Variants in GABRB3 observed in about 807,000 individuals in gnomAD.
GABRB3 encodes the protein gamma-aminobutyric acid receptor subunit beta-3.
In GABRB3, 14 loss-of-function variants were observed where a neutral mutation model predicts 52.1. The observed-to-expected ratio is 0.27, with a 90% CI of 0.18 to 0.42. The LOEUF (loss-of-function observed/expected upper bound fraction) is 0.42, where lower values mean the gene tolerates loss of function less well. GABRB3 is among the 10% of genes least tolerant of loss of function. The probability of loss-of-function intolerance (pLI) is 1.00; values close to 1 mark genes in which losing one functional copy is unlikely to be tolerated. For missense variants in GABRB3, 307 were observed against 609.1 expected (o/e 0.50, Z 5.22); for synonymous variants, 260 against 232.3 (o/e 1.12, Z -1.08).
chr15:26,741,433 A>G (rs967609288), intron 3 of GABRB3, among the ~76,000 whole-genome samples: 39 of 152,228 alleles, frequency 2.6e-4, no homozygotes, highest in Non-Finnish European at 5.1e-4. Context: ...ACACATATAC[A>G]TGTAAGCAAC....
At chr15:26,599,231 A>T (rs577194008) in intron 4 of GABRB3, among the ~76,000 whole-genome samples, 5 of 152,328 alleles carry the variant, frequency 3.3e-5, no homozygotes, top group African/African-American at 9.6e-5. Flanking sequence ...CCACCTGGTA[A>T]GGAAACTTCT....
intron 4 of GABRB3, among the ~76,000 whole-genome samples, chr15:26,606,662 C>T (rs2140509169): frequency 6.7e-6 from 1 of 149,448 alleles, no homozygotes; most frequent in African/African-American, 2.5e-5. Flanking sequence ...AGCAATTAGG[C>T]AAAAGAAAGA....
chr15:26,547,413 GT>G lies in GABRB3; in HGVS notation c.*379del. ...AAGACACATTTGGGGATGATATTGT[GT>G]TTCACGCCCTCATTCTCAAGGCATA... is the stretch of plus-strand genomic sequence containing the variant. On this transcript the variant is annotated 3_prime_UTR_variant, in exon 9 of 9. Coordinates refer to ENST00000311550, the MANE Select transcript of GABRB3 (RefSeq NM_000814.6). 2.3e-6 allele frequency: 1 copy of G among 438,278 alleles called. No homozygotes were observed. Among genetic ancestry groups the G allele is most frequent in the Non-Finnish European group, 4.0e-6 (1 of 249,046 alleles). 27.1% of individuals were successfully genotyped at this position (438,278 alleles called of 1,614,324 possible). A position where few individuals can be genotyped will look rare whatever the true frequency, so the allele number is the denominator to read the frequency against.
At chr15:26,687,281 T>TTA in intron 3 of GABRB3, among the ~76,000 whole-genome samples, 1 of 152,242 alleles carries the variant, frequency 6.6e-6, no homozygotes, top group African/African-American at 2.4e-5. Flanking sequence ...AAGACCAAAA[T>TTA]TATATATGTG....
At chr15:26,721,429 T>C (rs978404764) in intron 3 of GABRB3, among the ~76,000 whole-genome samples, 8 of 151,992 alleles carry the variant, frequency 5.3e-5, no homozygotes, top group Non-Finnish European at 1.2e-4. Context: ...TAACAAGCCT[T>C]ATTCTTGCTC....
At chr15:26,749,653 T>C (rs1478435903) in intron 3 of GABRB3, among the ~76,000 whole-genome samples, 1 of 152,202 alleles carries the variant, frequency 6.6e-6, no homozygotes, top group Non-Finnish European at 1.5e-5. Flanking sequence ...AGGAAGTGCA[T>C]GCAGCTTTTG....
At chr15:26,607,368 C>A (rs1200931223) in intron 4 of GABRB3, among the ~76,000 whole-genome samples, 1 of 152,016 alleles carries the variant, frequency 6.6e-6, no homozygotes, top group Non-Finnish European at 1.5e-5. Flanking sequence ...ACCAGAAATT[C>A]TAGAGTAACC....
chr15:26,678,071 C>G (rs561259216), intron 3 of GABRB3, among the ~76,000 whole-genome samples: 1 of 152,258 alleles, frequency 6.6e-6, no homozygotes, highest in South Asian at 2.1e-4. Flanking sequence ...GGTGTCGCAC[C>G]AAAGAAAGGA....
chr15:26,757,868 A>G (rs951420052), intron 3 of GABRB3, among the ~76,000 whole-genome samples: 1 of 152,206 alleles, frequency 6.6e-6, no homozygotes, highest in Non-Finnish European at 1.5e-5. Flanking sequence ...TGTTAGAGTA[A>G]GTGTAAATTA....
chr15:26,615,885 T>C (rs1892236618), intron 4 of GABRB3: 5 of 1,258,500 alleles, frequency 4.0e-6, no homozygotes, highest in African/African-American at 1.5e-5. Context: ...CAACCAGTAT[T>C]TCAAGCACAT....
intron 6 of GABRB3, among the ~76,000 whole-genome samples, chr15:26,579,251 G>A (rs1273290066): frequency 1.3e-5 from 2 of 152,208 alleles, no homozygotes; most frequent in East Asian, 3.9e-4. Context: ...AGGGAGGTGT[G>A]CCCTTGCAGA....
At chr15:26,578,449 T>C (rs1435709986) in intron 6 of GABRB3, among the ~76,000 whole-genome samples, 1 of 152,210 alleles carries the variant, frequency 6.6e-6, no homozygotes, top group African/African-American at 2.4e-5. Context: ...ATACCTGTAG[T>C]GCCTATTTTC....
At chr15:26,572,592 C>T (rs571494708) in intron 6 of GABRB3, among the ~76,000 whole-genome samples, 1 of 152,342 alleles carries the variant, frequency 6.6e-6, no homozygotes, top group South Asian at 2.1e-4. Flanking sequence ...GGTCCTTACA[C>T]TGGCAGGATG....
At chr15:26,575,752 ATATCT>A (rs778093771) in intron 6 of GABRB3, among the ~76,000 whole-genome samples, 7 of 152,228 alleles carry the variant, frequency 4.6e-5, no homozygotes, top group Non-Finnish European at 8.8e-5. Context: ...GAAAATTCAC[ATATCT>A]TAACTGAAAT....
chr15:26,669,027 G>C (rs1204427308), intron 3 of GABRB3, among the ~76,000 whole-genome samples: 1 of 152,170 alleles, frequency 6.6e-6, no homozygotes, highest in Non-Finnish European at 1.5e-5. Context: ...ATGGCAGCTG[G>C]AAAGTCCTGG....
chr15:26,557,824 T>C (rs888411751), intron 8 of GABRB3: 12 of 152,068 alleles, frequency 7.9e-5, no homozygotes, highest in Non-Finnish European at 1.6e-4. Flanking sequence ...CAACGAAAAA[T>C]TTCTTTTGCA....
At chr15:26,690,367 C>T (rs1888550140) in intron 3 of GABRB3, among the ~76,000 whole-genome samples, 1 of 152,080 alleles carries the variant, frequency 6.6e-6, no homozygotes, top group Admixed American at 6.6e-5. Flanking sequence ...ACATAAGCCA[C>T]CATGCCAGGC....
At chr15:26,630,346 G>T (rs1346022902) in intron 3 of GABRB3, among the ~76,000 whole-genome samples, 3 of 152,222 alleles carry the variant, frequency 2.0e-5, no homozygotes, top group Non-Finnish European at 4.4e-5. Flanking sequence ...TTAATGGAGA[G>T]TGCTCAGGCA....
At chr15:26,703,333 G>A (rs530792810) in intron 3 of GABRB3, among the ~76,000 whole-genome samples, 4 of 152,216 alleles carry the variant, frequency 2.6e-5, no homozygotes, top group East Asian at 3.9e-4. Context: ...AGTCAAGACC[G>A]TTTGCAAGGA....
Sources: allele counts gnomAD v4.1 joint callset (sites outside exome capture counted in the v4.1 genomes callset), GRCh38; gene constraint gnomAD v4.1.1; transcripts MANE v1.5; gene names NCBI Gene and HGNC (gene_info 2026-07-23, HGNC 2026-07-21).